Variants in LITAF observed in about 807,000 individuals in gnomAD.
LITAF encodes the protein lipopolysaccharide induced TNF factor, also known as lipopolysaccharide-induced tumor necrosis factor-alpha factor.
A neutral mutation model predicts 14.5 loss-of-function variants in LITAF; 9 were observed. That is an observed-to-expected ratio of 0.62 (90% CI 0.37 to 1.08). The LOEUF (loss-of-function observed/expected upper bound fraction) is 1.08, where lower values mean the gene tolerates loss of function less well. Ranked by LOEUF, LITAF falls within the 50% of genes least tolerant of loss-of-function variation. The pLI is 0.01. For synonymous variants in LITAF, 98 were observed against 88.2 expected (o/e 1.11, Z -0.62); for missense variants, 206 against 213.4 (o/e 0.97, Z 0.22).
chr16:11,607,332 T>A (rs2064959924), intron 3 of LITAF, among the ~76,000 whole-genome samples: 1 of 152,206 alleles, frequency 6.6e-6, no homozygotes, highest in Admixed American at 6.5e-5. Context: ...TCCAGCACAT[T>A]GCCTTGGCCC....
intron 3 of LITAF, among the ~76,000 whole-genome samples, chr16:11,616,163 T>C (rs1256608992): frequency 6.6e-6 from 1 of 151,980 alleles, no homozygotes; most frequent in Non-Finnish European, 1.5e-5. Context: ...CATCTGGCTG[T>C]TTGTATCTTT....
chr16:11,601,259 TC>T (rs1384795098), upstream of LITAF, among the ~76,000 whole-genome samples: 1 of 129,278 alleles, frequency 7.7e-6, no homozygotes, highest in Non-Finnish European at 1.6e-5. Context: ...CCTTCCCACC[TC>T]CCCACCCTTC....
chr16:11,619,479 C>T (rs1009564817), intron 3 of LITAF, among the ~76,000 whole-genome samples: 2 of 152,152 alleles, frequency 1.3e-5, no homozygotes, highest in African/African-American at 2.4e-5. Context: ...CTTCAGGGGT[C>T]ATGCAAGAGA....
chr16:11,572,932 CT>C (rs34208466), intron 1 of LITAF, among the ~76,000 whole-genome samples: 58 of 143,188 alleles, frequency 4.1e-4, no homozygotes, highest in Admixed American at 7.7e-4. Flanking sequence ...ATCTCAAGCT[CT>C]TTTTTTTTTT....
intron 1 of LITAF, among the ~76,000 whole-genome samples, chr16:11,574,801 GT>G (rs66512182): frequency 0.54 from 81,182 of 151,156 alleles, 22,603 homozygotes; most frequent in African/African-American, 0.66. Flanking sequence ...TCAATATAAA[GT>G]TTTTTTTTTC....
At position 11,632,408 on chromosome 16, in the gene LITAF, A is replaced by T. The variant is rs2065122599; in HGVS notation, c.85+1125T>A. ...GACAGGGAGAGGGACAGAGACAGGG[A>T]GAGGGACAGAGAGGGCTACTATGCT... On this transcript the variant is annotated intron_variant, in intron 3 of 3. Coordinates refer to the LITAF transcript ENST00000574848. This position sits in a 1 kb window ranked among gnomAD's most constrained non-coding sequence, Gnocchi z 4.8. Among the ~76,000 whole-genome samples the T allele has an allele frequency of 6.6e-6, 1 of 151,884 alleles. No individual in the cohort carries two copies. Among genetic ancestry groups the T allele is most frequent in the African/African-American group, 2.4e-5 (1 of 41,350 alleles).
rs747243562 is a variant in LITAF at position 11,553,794 on chromosome 16, T to C, written c.221-105A>G. 3.1e-6 allele frequency: 4 copies of C among 1,299,092 alleles called. No homozygotes were observed. Among genetic ancestry groups the C allele is most frequent in the African/African-American group, 1.5e-5 (1 of 68,594 alleles). 80.5% of individuals were successfully genotyped at this position (1,299,092 alleles called of 1,614,324 possible). On this transcript the variant is annotated intron_variant, in intron 2 of 3. Transcript: ENST00000622633. The surrounding 1 kb of genome is among the most constrained non-coding windows in gnomAD (Gnocchi z 7.7). ...CGCAGGGATGCCAGCAAATATTATA[T>C]TTGTACATTTGTGTTCATAGCATGC...
chr16:11,640,282 T>C (rs2065159798), upstream of LITAF, among the ~76,000 whole-genome samples: 1 of 152,188 alleles, frequency 6.6e-6, no homozygotes, highest in African/African-American at 2.4e-5. Flanking sequence ...ATGAAGGGGT[T>C]CTCGCTCTGA....
intron 3 of LITAF, among the ~76,000 whole-genome samples, chr16:11,606,888 C>T (rs936049487): frequency 1.3e-5 from 2 of 152,210 alleles, no homozygotes; most frequent in East Asian, 3.8e-4. Context: ...ATCCACCTGC[C>T]TCAGCTGGTC....
At chr16:11,620,799 C>A (rs1049043417) in intron 3 of LITAF, among the ~76,000 whole-genome samples, 1 of 152,216 alleles carries the variant, frequency 6.6e-6, no homozygotes, top group Non-Finnish European at 1.5e-5. Flanking sequence ...GGGCAAGGCC[C>A]CATGTAACAG....
intron 1 of LITAF, among the ~76,000 whole-genome samples, chr16:11,566,587 G>C (rs2064454131): frequency 6.6e-6 from 1 of 152,282 alleles, no homozygotes; most frequent in Non-Finnish European, 1.5e-5. Flanking sequence ...AACATAGTGA[G>C]ATGCCATCTC....
intron 1 of LITAF, among the ~76,000 whole-genome samples, chr16:11,565,007 T>C (rs2064428708): frequency 5.0e-5 from 1 of 20,102 alleles, no homozygotes; most frequent in Non-Finnish European, 1.2e-4. Context: ...CTGAATTATC[T>C]TTTTTTTTTT....
upstream of LITAF, among the ~76,000 whole-genome samples, chr16:11,590,807 A>G (rs939814850): frequency 6.8e-5 from 8 of 117,374 alleles, 2 homozygotes; most frequent in Middle Eastern, 8.5e-3. Flanking sequence ...ATCTCGGCTC[A>G]CCGCAAACTC....
upstream of LITAF, among the ~76,000 whole-genome samples, chr16:11,602,222 G>A (rs1428842984): frequency 1.3e-5 from 2 of 152,106 alleles, no homozygotes; most frequent in Non-Finnish European, 2.9e-5. Flanking sequence ...GCTGGGTGTG[G>A]TGACACATGC....
intron 1 of LITAF, among the ~76,000 whole-genome samples, chr16:11,594,021 A>AT (rs1457389423): frequency 1.3e-5 from 2 of 151,984 alleles, no homozygotes; most frequent in South Asian, 2.1e-4. Context: ...TACATTAAAA[A>AT]AAATATATAC....
At chr16:11,620,233 C>A (rs552296934) in intron 3 of LITAF, among the ~76,000 whole-genome samples, 2 of 151,680 alleles carry the variant, frequency 1.3e-5, no homozygotes, top group Non-Finnish European at 2.9e-5. Flanking sequence ...GGAGGTGGGG[C>A]CTGGTGGGAG....
upstream of LITAF, among the ~76,000 whole-genome samples, chr16:11,637,576 A>G (rs2065142794): frequency 6.6e-6 from 1 of 152,228 alleles, no homozygotes; most frequent in East Asian, 1.9e-4. Context: ...CATGAGGGGC[A>G]CACAGCACGT....
At position 11,558,058 on chromosome 16, in the gene LITAF, G is replaced by A. The variant is rs999156047; in HGVS notation, c.-5-1323C>T. On this transcript the variant is annotated intron_variant, in intron 1 of 3. Transcript: ENST00000622633. The surrounding 1 kb of genome is among the most constrained non-coding windows in gnomAD (Gnocchi z 4.1). ...TAGAAGAGCCATTCAAACCTGTCTC[G>A]GGAGAAATGGGAAATGAGGCTCCGG... 3.3e-5 allele frequency among the ~76,000 whole-genome samples: 5 copies of A among 152,102 alleles called. No homozygotes were observed. Among genetic ancestry groups the A allele is most frequent in the Non-Finnish European group, 7.4e-5 (5 of 68,020 alleles).
intron 3 of LITAF, among the ~76,000 whole-genome samples, chr16:11,630,285 G>A (rs1316136429): frequency 6.6e-6 from 1 of 152,184 alleles, no homozygotes; most frequent in Non-Finnish European, 1.5e-5. Context: ...GCACAAAGCT[G>A]GGTCCTCTCT....
Sources: gnomAD v4.1 joint callset for allele counts (sites outside exome capture counted in the v4.1 genomes callset) on GRCh38, gnomAD v4.1.1 for gene constraint, Gnocchi (gnomAD v3.1) non-coding constraint, MANE v1.5 for transcripts, NCBI Gene and HGNC (gene_info 2026-07-23, HGNC 2026-07-21) for gene names.